Variants in PDXDC1 observed in about 807,000 individuals in gnomAD.
PDXDC1 encodes the protein pyridoxal-dependent decarboxylase domain-containing protein 1.
PDXDC1 carries 42 observed loss-of-function variants against 100.1 expected under a neutral mutation model. That is an observed-to-expected ratio of 0.42 (90% CI 0.33 to 0.54). PDXDC1 has a LOEUF of 0.54. PDXDC1 is among the 20% of genes least tolerant of loss of function. The pLI is 0.10. For synonymous variants in PDXDC1, 260 were observed against 371.7 expected (o/e 0.70, Z 3.46); for missense variants, 636 against 979.2 (o/e 0.65, Z 4.68).
intron 16 of PDXDC1, among the ~76,000 whole-genome samples, chr16:15,050,234 T>C (rs551336577): frequency 4.6e-5 from 7 of 152,366 alleles, no homozygotes; most frequent in African/African-American, 1.7e-4. Context: ...TTTTTCAAAA[T>C]ATTAAATTGA....
At chr16:14,995,478 C>G (rs1464523948) in intron 1 of PDXDC1, among the ~76,000 whole-genome samples, 3 of 152,288 alleles carry the variant, frequency 2.0e-5, no homozygotes, top group Non-Finnish European at 4.4e-5. Flanking sequence ...GCCTTGCATC[C>G]CAGGGATGAA....
intron 15 of PDXDC1, 184 bp downstream of exon 15, chr16:15,029,150 C>G: frequency 2.9e-6 from 2 of 696,220 alleles, no homozygotes; most frequent in Non-Finnish European, 5.0e-6. Context: ...GCTGGGTCAC[C>G]TCTGGCAAGT....
intron 12 of PDXDC1, among the ~76,000 whole-genome samples, chr16:15,020,478 C>T (rs2042104249): frequency 1.3e-5 from 2 of 151,384 alleles, no homozygotes; most frequent in Admixed American, 6.6e-5. Context: ...ATCATGAGGT[C>T]AGGAGATCAA....
At chr16:15,122,704 C>G (rs2047482878) in intron 16 of PDXDC1, among the ~76,000 whole-genome samples, 1 of 150,468 alleles carries the variant, frequency 6.6e-6, no homozygotes, top group Admixed American at 6.7e-5. Flanking sequence ...AGAGCAGCCA[C>G]CGCACCCGCA....
chr16:15,034,172 T>G, intron 19 of PDXDC1, 114 bp from the exon 20 acceptor site: 1 of 830,818 alleles, frequency 1.2e-6, no homozygotes, highest in Non-Finnish European at 2.0e-6. Flanking sequence ...GGCTTTTCAA[T>G]GCAGGATTTC....
At chr16:15,015,499 G>A (rs1196609119) in intron 8 of PDXDC1, among the ~76,000 whole-genome samples, 1 of 152,214 alleles carries the variant, frequency 6.6e-6, no homozygotes, top group South Asian at 2.1e-4. Flanking sequence ...GGTGGATCAC[G>A]AGGTCAGGAG....
At chr16:15,054,268 C>T (rs1221586512) in intron 16 of PDXDC1, among the ~76,000 whole-genome samples, 1 of 152,210 alleles carries the variant, frequency 6.6e-6, no homozygotes, top group Non-Finnish European at 1.5e-5. Flanking sequence ...TCCTGTAACA[C>T]AAACTGGTCC....
intron 19 of PDXDC1, 48 bp from the exon 20 acceptor site, chr16:15,034,238 C>G: frequency 1.9e-6 from 3 of 1,541,764 alleles, no homozygotes; most frequent in South Asian, 1.1e-5. Flanking sequence ...CTTCTGGGCC[C>G]CAGGTGAGAA....
At chr16:15,070,337 A>G in intron 16 of PDXDC1, 1 of 1,358,474 alleles carries the variant, frequency 7.4e-7, no homozygotes, top group Non-Finnish European at 1.0e-6. Flanking sequence ...GCCTTTCATT[A>G]CAAACCATGC....
At chr16:15,026,478 C>G (rs543692775) in intron 13 of PDXDC1, 165 bp from the exon 14 acceptor site, 10 of 640,096 alleles carry the variant, frequency 1.6e-5, no homozygotes, top group Admixed American at 9.3e-5. Context: ...TAAAATTTTA[C>G]TAAACATTTG....
At chr16:15,026,352 T>C (rs2042601469) in intron 13 of PDXDC1, 1 of 481,240 alleles carries the variant, frequency 2.1e-6, no homozygotes, top group Non-Finnish European at 3.6e-6. Flanking sequence ...TAATCTTTAA[T>C]GTTAGACCTA....
rs750053796 is a variant in PDXDC1 at position 15,034,373 on chromosome 16, G to A, written c.1900G>A (p.Glu634Lys). The A allele has an allele frequency of 3.1e-6, 5 of 1,613,560 alleles. No homozygotes were observed. In the East Asian group the frequency reaches 1.1e-4, roughly 36 times the overall value. The change falls in exon 20 of 23, where the codon GAA becomes AAA. Residue 634 changes from glutamate to lysine, a missense_variant. Glu to Lys is a moderately conservative substitution (Grantham distance 56). Around this residue, in one of 4 missense-constraint regions of PDXDC1, gnomAD observed 452 missense variants for 402.9 expected, o/e 1.12. Coordinates refer to ENST00000396410, the MANE Select transcript of PDXDC1 (RefSeq NM_015027.4). Reference sequence around the variant, plus strand: ...GAAGGCAAGTGAAGAACGGCTTCTGGAAGAGGTGAGGCCCCCGATGGGCAG... The same window carrying A: ...GAAGGCAAGTGAAGAACGGCTTCTGAAAGAGGTGAGGCCCCCGATGGGCAG... ...LQKASEERLL[E>K]EGVLRQIPVV...
chr16:15,079,067 C>A (rs573835078), intron 16 of PDXDC1, among the ~76,000 whole-genome samples: 37 of 152,264 alleles, frequency 2.4e-4, no homozygotes, highest in Admixed American at 5.9e-4. Flanking sequence ...GCCTCGGCCT[C>A]CCAAAGTGCT....
chr16:15,125,859 C>T, intron 16 of PDXDC1: 1 of 876,986 alleles, frequency 1.1e-6, no homozygotes, highest in Non-Finnish European at 1.9e-6. Context: ...CTGCTCAGGA[C>T]CTGGATGAGA....
intron 16 of PDXDC1, among the ~76,000 whole-genome samples, chr16:15,102,619 A>T (rs369866996): frequency 1.5e-4 from 23 of 150,754 alleles, no homozygotes; most frequent in South Asian, 4.3e-4. Context: ...GTGGGGCCAA[A>T]GGAATCATTA....
At chr16:15,100,161 C>G (rs2151845550) in intron 16 of PDXDC1, among the ~76,000 whole-genome samples, 1 of 152,254 alleles carries the variant, frequency 6.6e-6, no homozygotes, top group East Asian at 1.9e-4. Context: ...AAGTTATGCT[C>G]AACTAATGGT....
At chr16:15,083,230 C>G (rs2045776505) in intron 16 of PDXDC1, among the ~76,000 whole-genome samples, 1 of 152,130 alleles carries the variant, frequency 6.6e-6, no homozygotes, top group African/African-American at 2.4e-5. Context: ...GAAACCTTGT[C>G]TCTACTAAAA....
chr16:15,050,664 G>A (rs1443284187), intron 16 of PDXDC1, among the ~76,000 whole-genome samples: 2 of 151,940 alleles, frequency 1.3e-5, no homozygotes, highest in Non-Finnish European at 2.9e-5. Flanking sequence ...GCCAGGAGGT[G>A]GAGGCTGCAG....
chr16:15,089,371 A>G (rs1425075053), intron 16 of PDXDC1, among the ~76,000 whole-genome samples: 3 of 152,176 alleles, frequency 2.0e-5, no homozygotes, highest in Non-Finnish European at 4.4e-5. Flanking sequence ...ATATTAGGAC[A>G]CAGGTAGATT....
Sources: gnomAD v4.1 joint callset for allele counts (sites outside exome capture counted in the v4.1 genomes callset) on GRCh38, gnomAD v4.1.1 for gene constraint, gnomAD v4.1.1 regional missense constraint, MANE v1.5 for transcripts, NCBI Gene and HGNC (gene_info 2026-07-23, HGNC 2026-07-21) for gene names.